Variants in WDFY2 observed in about 807,000 individuals in gnomAD.
The protein encoded by WDFY2 is WD repeat and FYVE domain-containing protein 2.
In WDFY2, 36 loss-of-function variants were observed where a neutral mutation model predicts 56.4. The observed-to-expected ratio is 0.64, with a 90% CI of 0.49 to 0.84. WDFY2 has a LOEUF of 0.84. Among genes scored for constraint, WDFY2 ranks in the 40% least tolerant of loss-of-function variants. The probability of loss-of-function intolerance (pLI) is 0.00; values close to 1 mark genes in which losing one functional copy is unlikely to be tolerated. For synonymous variants in WDFY2, 176 were observed against 183.7 expected (o/e 0.96, Z 0.34); for missense variants, 444 against 512.2 (o/e 0.87, Z 1.29).
At chr13:51,616,443 A>G (rs1167991937) in intron 1 of WDFY2, among the ~76,000 whole-genome samples, 1 of 152,220 alleles carries the variant, frequency 6.6e-6, no homozygotes, top group African/African-American at 2.4e-5. Context: ...ACTCACCTGC[A>G]TCAGTCAGGA....
chr13:51,611,453 C>A (rs572548186), intron 1 of WDFY2, among the ~76,000 whole-genome samples: 1 of 152,182 alleles, frequency 6.6e-6, no homozygotes, highest in Non-Finnish European at 1.5e-5. Context: ...CCTCAGCATA[C>A]AACAAATCTT....
chr13:51,622,853 CTTTTTTTTTTTT>C (rs59372497), intron 1 of WDFY2, among the ~76,000 whole-genome samples: 1 of 130,970 alleles, frequency 7.6e-6, no homozygotes, highest in Non-Finnish European at 1.6e-5. Context: ...TAACTTTACA[CTTTTTTTTTTTT>C]TTTTTTTTTT....
intron 1 of WDFY2, chr13:51,592,324 C>A (rs1404552041): frequency 6.6e-6 from 1 of 152,056 alleles, no homozygotes; most frequent in African/African-American, 2.4e-5. Context: ...CCTGTAATCC[C>A]AGCACTTTGG....
intron 1 of WDFY2, among the ~76,000 whole-genome samples, chr13:51,613,845 CT>C (rs1306092441): frequency 1.3e-5 from 2 of 152,042 alleles, no homozygotes; most frequent in African/African-American, 4.8e-5. Flanking sequence ...GAATTTTGTA[CT>C]TGAAGTGTTT....
intron 3 of WDFY2, among the ~76,000 whole-genome samples, chr13:51,702,952 C>G (rs1334515495): frequency 6.6e-6 from 1 of 152,150 alleles, no homozygotes; most frequent in Non-Finnish European, 1.5e-5. Context: ...GGTGAAACAA[C>G]AGACACTTAT....
At chr13:51,696,256 C>G (rs1438596577) in intron 3 of WDFY2, among the ~76,000 whole-genome samples, 1 of 152,222 alleles carries the variant, frequency 6.6e-6, no homozygotes, top group Non-Finnish European at 1.5e-5. Flanking sequence ...CAGAAATCAC[C>G]CATCTTCTGC....
At chr13:51,638,179 A>G (rs953881577) in intron 1 of WDFY2, among the ~76,000 whole-genome samples, 2 of 152,348 alleles carry the variant, frequency 1.3e-5, no homozygotes, top group Non-Finnish European at 1.5e-5. Context: ...GTGGTCCTCA[A>G]ATCTTTGAAG....
chr13:51,628,133 G>T lies in WDFY2; in HGVS notation c.138-32463G>T, dbSNP rs138544680. 7.7e-3 allele frequency among the ~76,000 whole-genome samples: 1,176 copies of T among 152,270 alleles called. 6 individuals are homozygous for T. Among genetic ancestry groups the T allele is most frequent in the Non-Finnish European group, 0.012 (822 of 68,008 alleles). On this transcript the variant is annotated intron_variant, in intron 1 of 11. Coordinates refer to ENST00000298125, the MANE Select transcript of WDFY2 (RefSeq NM_052950.4). ...TGCCCAGGAACCTGTCTGCGTCCTG[G>T]CATCAACATGCCATCCACGGCACCC...
chr13:51,625,998 C>T (rs988572680), intron 1 of WDFY2, among the ~76,000 whole-genome samples: 2 of 152,170 alleles, frequency 1.3e-5, no homozygotes, highest in Admixed American at 6.5e-5. Context: ...TTGGGTGGCC[C>T]GGAGCACCCT....
intron 7 of WDFY2, among the ~76,000 whole-genome samples, chr13:51,749,158 G>A (rs1392697709): frequency 6.6e-6 from 1 of 152,052 alleles, no homozygotes; most frequent in East Asian, 1.9e-4. Context: ...TGTGACTTAT[G>A]TTAAAATGAA....
intron 1 of WDFY2, among the ~76,000 whole-genome samples, chr13:51,651,438 T>C (rs1400444342): frequency 1.3e-5 from 2 of 152,216 alleles, no homozygotes; most frequent in Non-Finnish European, 1.5e-5. Flanking sequence ...TGATCTTAGT[T>C]ATTTCTTGCC....
At chr13:51,650,388 T>C (rs1566339458) in intron 1 of WDFY2, among the ~76,000 whole-genome samples, 1 of 152,228 alleles carries the variant, frequency 6.6e-6, no homozygotes, top group Non-Finnish European at 1.5e-5. Context: ...CCTCTTTTCC[T>C]AATTGAATAC....
At chr13:51,672,452 T>A (rs1391859571) in intron 2 of WDFY2, among the ~76,000 whole-genome samples, 2 of 152,206 alleles carry the variant, frequency 1.3e-5, no homozygotes, top group African/African-American at 4.8e-5. Flanking sequence ...GACTATGGCC[T>A]TATATATAGT....
chr13:51,719,333 T>A lies in WDFY2; in HGVS notation c.470T>A (p.Val157Glu), dbSNP rs760068822. ...QRLGGYRTSA[V>E]ASGLQFDVET... is the part of the protein sequence containing the mutation. Reference sequence around the variant, plus strand: ...CTGGGAGGTTATCGGACCAGTGCTGTGGCCTCAGGCCTGCAGTATCCTTTG... The same window carrying A: ...CTGGGAGGTTATCGGACCAGTGCTGAGGCCTCAGGCCTGCAGTATCCTTTG... The change falls in exon 5 of 12, where the codon GTG becomes GAG. Residue 157 changes from valine to glutamate, a missense_variant. Physicochemically the swap from Val to Glu is moderately radical, Grantham distance 121 (BLOSUM62 -2). Coordinates refer to ENST00000298125, the MANE Select transcript of WDFY2 (RefSeq NM_052950.4). 1 of 1,601,066 alleles carries A rather than the reference T, an allele frequency of 6.2e-7. No individual in the cohort carries two copies. The highest frequency in any genetic ancestry group is 8.5e-7 in the Non-Finnish European group (1 of 1,174,030).
chr13:51,595,625 T>A (rs971295296), intron 1 of WDFY2, among the ~76,000 whole-genome samples: 1 of 152,092 alleles, frequency 6.6e-6, no homozygotes, highest in Non-Finnish European at 1.5e-5. Flanking sequence ...CAGAAAGCCT[T>A]CCTCTAAAAT....
At chr13:51,642,562 G>A (rs1027670800) in intron 1 of WDFY2, among the ~76,000 whole-genome samples, 1 of 151,714 alleles carries the variant, frequency 6.6e-6, no homozygotes, top group Admixed American at 6.6e-5. Context: ...CCAATGTGCT[G>A]TAATTAGAAA....
chr13:51,743,385 T>C (rs915221161), intron 7 of WDFY2, among the ~76,000 whole-genome samples: 1 of 152,200 alleles, frequency 6.6e-6, no homozygotes, highest in African/African-American at 2.4e-5. Context: ...TCTTCAGTTT[T>C]CTTATCTCTA....
At chr13:51,695,695 A>G (rs147586968) in intron 3 of WDFY2, among the ~76,000 whole-genome samples, 1,615 of 152,274 alleles carry the variant, frequency 0.011, 26 homozygotes, top group African/African-American at 0.036. Flanking sequence ...GTGCTGGGAG[A>G]ACCACTGCTC....
At chr13:51,674,229 T>C (rs566698684) in intron 2 of WDFY2, among the ~76,000 whole-genome samples, 32 of 152,228 alleles carry the variant, frequency 2.1e-4, no homozygotes, top group Non-Finnish European at 3.8e-4. Flanking sequence ...AGGTAGTTCA[T>C]GATCTACATG....
Sources: allele counts gnomAD v4.1 joint callset (sites outside exome capture counted in the v4.1 genomes callset), GRCh38; gene constraint gnomAD v4.1.1; transcripts MANE v1.5; gene names NCBI Gene and HGNC (gene_info 2026-07-23, HGNC 2026-07-21).